Variants in COL4A5 observed in about 807,000 individuals in gnomAD.
COL4A5 encodes collagen alpha-5(IV) chain.
A neutral mutation model predicts 130.2 loss-of-function variants in COL4A5; 26 were observed. The ratio of observed to expected loss-of-function variants is 0.20; its 90% CI spans 0.15 to 0.28. The LOEUF (loss-of-function observed/expected upper bound fraction) is 0.28. COL4A5 is among the 10% of genes least tolerant of loss of function. COL4A5 has a pLI of 1.00. For missense variants in COL4A5, 1,131 were observed against 1,344.3 expected, an observed-to-expected ratio of 0.84 and a Z score of 2.48; for synonymous variants, 496 against 439.6, an observed-to-expected ratio of 1.13 and a Z score of -1.60.
chrX:108,452,130 G>T (rs1047859288), intron 1 of COL4A5, among the ~76,000 whole-genome samples: 2 of 111,699 alleles, frequency 1.8e-5, no homozygotes, highest in Non-Finnish European at 3.8e-5. Context: ...AGATCAGATA[G>T]TTGTAGATTT....
chrX:108,663,730 C>T lies in COL4A5; in HGVS notation c.3374-1777C>T, dbSNP rs191806472. The stretch of plus-strand genomic sequence containing the variant: ...AACCTGCACATCCTGCATACGTACC[C>T]CAGAACTTAAAATAAAAAAAAAAAA... On this transcript the variant is annotated intron_variant, in intron 37 of 52. Coordinates refer to ENST00000328300, the MANE Select transcript of COL4A5 (RefSeq NM_033380.3). Among the ~76,000 whole-genome samples, 3 of 104,633 alleles carry T rather than the reference C, an allele frequency of 2.9e-5. No homozygotes were observed. The Admixed American group carries it at 3.0e-4, about 10-fold the overall frequency. The allele number at this position is 104,633 out of a possible 115,157, so 90.9% of individuals were successfully genotyped here.
chrX:108,454,528 C>T (rs1280520037), intron 1 of COL4A5, among the ~76,000 whole-genome samples: 5 of 111,450 alleles, frequency 4.5e-5, no homozygotes, highest in East Asian at 2.8e-4. Flanking sequence ...CCACCCTCCT[C>T]GGCCTCCCAA....
chrX:108,618,471 T>A (rs1279022465), intron 30 of COL4A5, among the ~76,000 whole-genome samples: 2 of 111,878 alleles, frequency 1.8e-5, no homozygotes, highest in African/African-American at 6.5e-5. Flanking sequence ...ATTATTTAAA[T>A]CATTAAGTCA....
intron 1 of COL4A5, among the ~76,000 whole-genome samples, chrX:108,523,309 A>G (rs2065282991): frequency 8.9e-6 from 1 of 112,214 alleles, no homozygotes; most frequent in Admixed American, 9.4e-5. Flanking sequence ...ATTTGCATAT[A>G]GGTATCCAGT....
chrX:108,668,281 G>A (rs2147958836), intron 40 of COL4A5, 38 bp from the exon 41 acceptor site: 12 of 1,146,913 alleles, frequency 1.0e-5, no homozygotes, highest in Non-Finnish European at 1.4e-5. Context: ...CTTGTAACTC[G>A]GTATTATTTA....
intron 1 of COL4A5, among the ~76,000 whole-genome samples, chrX:108,522,461 T>C (rs1239410351): frequency 9.8e-6 from 1 of 102,312 alleles, no homozygotes; most frequent in East Asian, 3.0e-4. Flanking sequence ...TTGTCTGTCT[T>C]GATTATAGCT....
At chrX:108,660,577 T>C (rs1412379038) in intron 37 of COL4A5, among the ~76,000 whole-genome samples, 1 of 112,099 alleles carries the variant, frequency 8.9e-6, no homozygotes, top group Non-Finnish European at 1.9e-5. Context: ...TTCGTCTCCA[T>C]TTTTCCTGAT....
Position 108,671,794 on chromosome X carries a change from ACT to A in COL4A5, c.3799+1565_3799+1566del, listed in dbSNP as rs752979177. 6.3e-5 allele frequency among the ~76,000 whole-genome samples: 7 copies of A among 111,237 alleles called. No homozygotes were observed. In the East Asian group the frequency reaches 1.7e-3, roughly 27 times the overall value. On this transcript the variant is annotated intron_variant, in intron 42 of 52. Coordinates refer to ENST00000328300, the MANE Select transcript of COL4A5 (RefSeq NM_033380.3). ...CTTGATCAGATATCGGGGTGAAGGG[ACT>A]CTCTCTAAACCGATTTAGCAGGATT... is the stretch of plus-strand genomic sequence containing the variant.
intron 37 of COL4A5, among the ~76,000 whole-genome samples, chrX:108,664,695 C>T: frequency 8.9e-6 from 1 of 112,065 alleles, no homozygotes; most frequent in East Asian, 2.8e-4. Context: ...ATGTAAAAAA[C>T]TTCAATAACT....
intron 1 of COL4A5, among the ~76,000 whole-genome samples, chrX:108,484,083 T>C (rs1174333936): frequency 1.8e-5 from 2 of 112,389 alleles, no homozygotes; most frequent in South Asian, 3.7e-4. Flanking sequence ...ACTTTGCTGA[T>C]AGTTTTTTTG....
chrX:108,636,709 A>T (rs1266954062), intron 36 of COL4A5, among the ~76,000 whole-genome samples: 1 of 111,448 alleles, frequency 9.0e-6, no homozygotes, highest in Non-Finnish European at 1.9e-5. Flanking sequence ...TTGCAACTGC[A>T]CATGGAACAT....
At chrX:108,520,848 C>G (rs1448476413) in intron 1 of COL4A5, among the ~76,000 whole-genome samples, 2 of 111,307 alleles carry the variant, frequency 1.8e-5, no homozygotes, top group East Asian at 5.6e-4. Flanking sequence ...TTTTAGTAAC[C>G]AGATTTTCAA....
chrX:108,569,891 A>C (rs1023737217), intron 6 of COL4A5, among the ~76,000 whole-genome samples: 4 of 111,011 alleles, frequency 3.6e-5, no homozygotes, highest in African/African-American at 1.3e-4. Flanking sequence ...CATGTTGGTC[A>C]GGCTGGTCTC....
At chrX:108,616,552 G>A (rs1489427624) in intron 30 of COL4A5, among the ~76,000 whole-genome samples, 4 of 111,130 alleles carry the variant, frequency 3.6e-5, no homozygotes, top group African/African-American at 1.3e-4. Context: ...GTTTTACAGA[G>A]GTGGATAAAA....
intron 19 of COL4A5, 115 bp from the exon 20 acceptor site, chrX:108,590,942 AT>A (rs2066422167): frequency 2.8e-6 from 2 of 705,305 alleles, no homozygotes; most frequent in African/African-American, 2.2e-5. Flanking sequence ...TAGAAAAAAA[AT>A]AACATAACCA....
rs761701751 is a variant in COL4A5, at chrX:108,694,858, G to T, written c.4758G>T (p.Thr1586=). The change falls in exon 51 of 53, where the codon ACG becomes ACT. Residue 1586 remains threonine (T), a synonymous_variant. Coordinates refer to ENST00000328300, the MANE Select transcript of COL4A5 (RefSeq NM_033380.3). ...TGGTGATCGCAGTTCACAGTCAGAC[G>T]ATCCAGATTCCCCATTGTCCTCAGG... The part of the protein sequence containing the change: ...PAVVIAVHSQ[T]IQIPHCPQGW... 2.5e-6 allele frequency: 3 copies of T among 1,210,513 alleles called. No individual in the cohort carries two copies. The highest frequency in any genetic ancestry group is 3.4e-6 in the Non-Finnish European group (3 of 894,617).
rs745491230 is a variant in COL4A5 at position 108,540,094 on chromosome X, T to C, written c.141+289T>C. On this transcript the variant is annotated intron_variant, in intron 2 of 52. Coordinates refer to ENST00000328300, the MANE Select transcript of COL4A5 (RefSeq NM_033380.3). Reference sequence around the variant, plus strand: ...GAACTTTAAAAGTGACTAAAAAATATTCTTAGCTCTTGGATCATAGAACAT... The same window carrying C: ...GAACTTTAAAAGTGACTAAAAAATACTCTTAGCTCTTGGATCATAGAACAT... 2.4e-3 allele frequency among the ~76,000 whole-genome samples: 263 copies of C among 111,843 alleles called. 1 individual carries two copies. Among genetic ancestry groups the C allele is most frequent in the African/African-American group, 8.2e-3 (252 of 30,814 alleles).
At chrX:108,637,173 A>G (rs1266602290) in intron 36 of COL4A5, among the ~76,000 whole-genome samples, 1 of 109,676 alleles carries the variant, frequency 9.1e-6, no homozygotes, top group Non-Finnish European at 1.9e-5. Flanking sequence ...ACCTCAAGCA[A>G]TCCACCCTCC....
chrX:108,447,582 C>T (rs2064466969), intron 1 of COL4A5, among the ~76,000 whole-genome samples: 1 of 111,889 alleles, frequency 8.9e-6, no homozygotes, highest in Admixed American at 9.5e-5. Flanking sequence ...TCTGCTCTTG[C>T]CAAATTACTT....
Sources: gnomAD v4.1 joint callset for allele counts (sites outside exome capture counted in the v4.1 genomes callset) on GRCh38, gnomAD v4.1.1 for gene constraint, MANE v1.5 for transcripts, NCBI Gene and HGNC (gene_info 2026-07-23, HGNC 2026-07-21) for gene names.